IFT57: variants seen among roughly 807,000 people sequenced by gnomAD.
The protein encoded by IFT57 is intraflagellar transport protein 57 homolog.
A neutral mutation model predicts 56.8 loss-of-function variants in IFT57; 59 were observed. The observed-to-expected ratio is 1.04, with a 90% CI of 0.84 to 1.29. The LOEUF (loss-of-function observed/expected upper bound fraction) is 1.29, where lower values mean the gene tolerates loss of function less well. Ranked by LOEUF, IFT57 falls within the 50% of genes most tolerant of loss-of-function variation. IFT57 has a pLI of 0.00. For synonymous variants in IFT57, 209 were observed against 186.1 expected, an observed-to-expected ratio of 1.12 and a Z score of -1.00; for missense variants, 470 against 522.1, an observed-to-expected ratio of 0.90 and a Z score of 0.97.
chr3:108,217,670 T>A (rs1008510025), intron 3 of IFT57, among the ~76,000 whole-genome samples: 2 of 151,186 alleles, frequency 1.3e-5, no homozygotes, highest in Non-Finnish European at 3.0e-5. Context: ...TAACAGGGAA[T>A]AATATATATA....
intron 5 of IFT57, among the ~76,000 whole-genome samples, chr3:108,204,700 GC>G (rs1361071329): frequency 6.6e-6 from 1 of 151,698 alleles, no homozygotes; most frequent in African/African-American, 2.4e-5. Context: ...ATTACAACTT[GC>G]TAAAGGCAGG....
chr3:108,217,148 A>C (rs1258104064), intron 3 of IFT57, among the ~76,000 whole-genome samples: 1 of 152,192 alleles, frequency 6.6e-6, no homozygotes, highest in Non-Finnish European at 1.5e-5. Flanking sequence ...TGAATATGTT[A>C]ATTTCACTAA....
chr3:108,194,653 T>C (rs917741592), intron 5 of IFT57, among the ~76,000 whole-genome samples: 2 of 152,046 alleles, frequency 1.3e-5, no homozygotes, highest in South Asian at 2.1e-4. Context: ...CAAAGACCAA[T>C]GGAAAAGAAT....
Position 108,222,095 on chromosome 3 carries a change from G to C in IFT57, c.212+16C>G. The stretch of plus-strand genomic sequence containing the variant: ...GGCTAGCAGGCACCCGGGCGCTCGG[G>C]GACGCCGGCACCCACCTGGACGGGG... On this transcript the variant is annotated intron_variant, in intron 1 of 10. Transcript: ENST00000264538. The C allele has an allele frequency of 6.3e-7, 1 of 1,577,382 alleles. No individual in the cohort carries two copies. The highest frequency in any genetic ancestry group is 1.1e-5 in the South Asian group (1 of 87,224).
rs912379478 is a variant in IFT57, at chr3:108,166,908, A to G, written c.927T>C (p.Asn309=). The change falls in exon 8 of 11, where the codon AAT becomes AAC. Residue 309 remains asparagine (N), a synonymous_variant. Coordinates refer to ENST00000264538, the MANE Select transcript of IFT57 (RefSeq NM_018010.4). ...KISSREKYIN[N]QLENLVQEYR... The stretch of plus-strand genomic sequence containing the variant: ...ATTCTTGAACCAAATTCTCAAGCTG[A>G]TTGTTGATGTACTTTTCTCGGCTGC... 1.2e-6 allele frequency: 2 copies of G among 1,611,554 alleles called. No individual in the cohort carries two copies. Among genetic ancestry groups the G allele is most frequent in the Middle Eastern group, 1.6e-4 (1 of 6,064 alleles).
intron 1 of IFT57, 108 bp downstream of exon 1, chr3:108,222,003 C>T: frequency 6.7e-7 from 1 of 1,499,522 alleles, no homozygotes. Flanking sequence ...AAGACGGAGG[C>T]AAGGAATTGC....
intron 4 of IFT57, among the ~76,000 whole-genome samples, chr3:108,210,221 C>A (rs1299604981): frequency 7.3e-5 from 11 of 151,620 alleles, no homozygotes; most frequent in Admixed American, 5.3e-4. Flanking sequence ...ATGACCCCAA[C>A]ATATTTATAA....
In IFT57 at chr3:108,222,309, A is replaced by C. The variant is rs2080411264; in HGVS notation, c.14T>G (p.Leu5Arg). 3.1e-6 allele frequency: 5 copies of C among 1,611,616 alleles called. No homozygotes were observed. The highest frequency in any genetic ancestry group is 1.3e-5 in the African/African-American group (1 of 74,906). Residue 5 changes from leucine to arginine, a missense_variant, in exon 1 of 11, where the codon CTG (leucine) becomes CGG (arginine). Physicochemically the swap from Leu to Arg is moderately radical, Grantham distance 102 (BLOSUM62 -2). Coordinates refer to ENST00000264538, the MANE Select transcript of IFT57 (RefSeq NM_018010.4). MTAALAVVTTSGLED... is the reference protein window; with the variant it reads MTAARAVVTTSGLED... Reference sequence around the variant, plus strand: ...CAAACCCGACGTCGTGACGACGGCCAGAGCAGCAGTCATCGCAGAACGGAC... The same window carrying C: ...CAAACCCGACGTCGTGACGACGGCCCGAGCAGCAGTCATCGCAGAACGGAC...
intron 10 of IFT57, 84 bp downstream of exon 10, chr3:108,163,579 A>G: frequency 4.6e-6 from 4 of 867,246 alleles, no homozygotes; most frequent in Non-Finnish European, 7.7e-6. Flanking sequence ...TGTTTTATAT[A>G]TTAATACTAT....
At chr3:108,219,284 G>T in intron 2 of IFT57, 126 bp downstream of exon 2, 1 of 731,346 alleles carries the variant, frequency 1.4e-6, no homozygotes. Context: ...TTTTAAGGAG[G>T]TTTTACCTAA....
rs542450240 is a variant in IFT57, at chr3:108,172,410, G to C, written c.778-4546C>G. 4.6e-5 allele frequency among the ~76,000 whole-genome samples: 7 copies of C among 151,930 alleles called. No individual in the cohort carries two copies. In the East Asian group the frequency reaches 1.4e-3, roughly 30 times the overall value. ...GGGCTTTGCTTATAACAACTAAAGA[G>C]TATAGATTTTATTATGTACATAATG... On this transcript the variant is annotated intron_variant, in intron 6 of 10. Transcript: ENST00000264538.
intron 5 of IFT57, among the ~76,000 whole-genome samples, chr3:108,192,125 T>C (rs546171600): frequency 1.7e-3 from 218 of 128,936 alleles, no homozygotes; most frequent in African/African-American, 5.9e-3. Context: ...TGAGCCAAGA[T>C]CATGCTACTG....
intron 5 of IFT57, among the ~76,000 whole-genome samples, chr3:108,193,389 G>C (rs907322460): frequency 1.3e-5 from 2 of 152,168 alleles, no homozygotes; most frequent in African/African-American, 4.8e-5. Flanking sequence ...TTTTTGTTCA[G>C]ATTCAAGGGA....
chr3:108,220,793 C>G (rs2107224798), intron 1 of IFT57, among the ~76,000 whole-genome samples: 1 of 152,224 alleles, frequency 6.6e-6, no homozygotes, highest in Admixed American at 6.5e-5. Flanking sequence ...AGTAAGTTCC[C>G]AGGTGATGCT....
At chr3:108,214,870 C>G (rs2108327625) in intron 3 of IFT57, among the ~76,000 whole-genome samples, 1 of 152,176 alleles carries the variant, frequency 6.6e-6, no homozygotes, top group East Asian at 1.9e-4. Flanking sequence ...CTTGGCTATT[C>G]AAGATTGTTA....
intron 4 of IFT57, among the ~76,000 whole-genome samples, chr3:108,206,942 A>T (rs1483515769): frequency 1.3e-5 from 2 of 152,120 alleles, no homozygotes; most frequent in Non-Finnish European, 2.9e-5. Context: ...CAATAAAGAA[A>T]GGAAAAAAAC....
chr3:108,218,243 A>T lies in IFT57; in HGVS notation c.494+292T>A, dbSNP rs548667851. The T allele has an allele frequency of 9.1e-3, 1,424 of 156,868 alleles. 14 individuals are homozygous for T. The highest frequency in any genetic ancestry group is 0.032 in the African/African-American group (1,264 of 38,932). The allele number at this position is 156,868 out of a possible 1,614,324, so 9.7% of individuals were successfully genotyped here. A position where few individuals can be genotyped will look rare whatever the true frequency, so the allele number is the denominator to read the frequency against. On this transcript the variant is annotated intron_variant, in intron 3 of 10. Transcript: ENST00000264538. ...GTGAACATATGTACAAGAGACTTTA[A>T]AAAAAAAGTCCAGTATTTACAAAGA...
At chr3:108,190,867 A>T (rs2080211427) in intron 6 of IFT57, among the ~76,000 whole-genome samples, 1 of 152,152 alleles carries the variant, frequency 6.6e-6, no homozygotes. Flanking sequence ...GTCTTGGCTC[A>T]CTGCAACCTC....
At chr3:108,197,813 A>G (rs963459577) in intron 5 of IFT57, among the ~76,000 whole-genome samples, 2 of 152,168 alleles carry the variant, frequency 1.3e-5, no homozygotes, top group Non-Finnish European at 2.9e-5. Context: ...TCCCACCTCC[A>G]TGACTTACTA....
Sources: gnomAD v4.1 joint callset for allele counts (sites outside exome capture counted in the v4.1 genomes callset) on GRCh38, gnomAD v4.1.1 for gene constraint, MANE v1.5 for transcripts, NCBI Gene and HGNC (gene_info 2026-07-23, HGNC 2026-07-21) for gene names.